Variants in ANO2 observed in about 807,000 individuals in gnomAD.
ANO2 encodes the protein anoctamin 2, also known as anoctamin-2.
A neutral mutation model predicts 124.2 loss-of-function variants in ANO2; 101 were observed. That is an observed-to-expected ratio of 0.81 (90% CI 0.69 to 0.96). The LOEUF (loss-of-function observed/expected upper bound fraction) is 0.96. Ranked by LOEUF, ANO2 falls within the 40% of genes least tolerant of loss-of-function variation. The probability of loss-of-function intolerance (pLI) is 0.00; values close to 1 mark genes in which losing one functional copy is unlikely to be tolerated. For missense variants in ANO2, 1,293 were observed against 1,274.5 expected, an observed-to-expected ratio of 1.01 and a Z score of -0.22; for synonymous variants, 486 against 482.5, an observed-to-expected ratio of 1.01 and a Z score of -0.09.
intron 7 of ANO2, among the ~76,000 whole-genome samples, chr12:5,808,411 T>C (rs1173901323): frequency 2.0e-5 from 3 of 152,192 alleles, no homozygotes; most frequent in African/African-American, 7.2e-5. Flanking sequence ...GTGTGTTCTG[T>C]CTGAGTCGGG....
At chr12:5,819,699 A>G (rs1054674512) in intron 7 of ANO2, among the ~76,000 whole-genome samples, 3 of 152,232 alleles carry the variant, frequency 2.0e-5, no homozygotes, top group Non-Finnish European at 4.4e-5. Context: ...ATGCCTTGTA[A>G]AACAGATTTG....
intron 10 of ANO2, among the ~76,000 whole-genome samples, chr12:5,753,926 G>A (rs1356174102): frequency 6.6e-6 from 1 of 152,128 alleles, no homozygotes; most frequent in African/African-American, 2.4e-5. Context: ...CGTTGAATGT[G>A]AGAGGTAAGA....
chr12:5,866,899 T>C (rs1955441227), intron 3 of ANO2, among the ~76,000 whole-genome samples: 1 of 152,246 alleles, frequency 6.6e-6, no homozygotes, highest in Non-Finnish European at 1.5e-5. Flanking sequence ...CCTTCCTCTT[T>C]TCCCAGTGGA....
At chr12:5,934,093 C>T (rs1398675092) in intron 1 of ANO2, among the ~76,000 whole-genome samples, 3 of 152,186 alleles carry the variant, frequency 2.0e-5, no homozygotes, top group African/African-American at 7.2e-5. Flanking sequence ...ACACTAATCG[C>T]TAACACTTTA....
At chr12:5,946,102 A>G, upstream of ANO2, 1 of 1,604,354 alleles carries the variant, frequency 6.2e-7, no homozygotes, top group African/African-American at 1.3e-5. This position sits in a 1 kb window ranked among gnomAD's most constrained non-coding sequence, Gnocchi z 4.1. Flanking sequence ...GACCCCCAAA[A>G]TGAAGAAGTA....
chr12:5,764,646 G>A (rs1244608164), intron 10 of ANO2, among the ~76,000 whole-genome samples: 4 of 152,184 alleles, frequency 2.6e-5, no homozygotes, highest in Admixed American at 2.0e-4. Flanking sequence ...GACTACATAT[G>A]GCTACCCATC....
chr12:5,854,397 G>GT (rs1591701350), intron 3 of ANO2, among the ~76,000 whole-genome samples: 1 of 9,396 alleles, frequency 1.1e-4, no homozygotes, highest in African/African-American at 3.2e-4. Context: ...TAGCTTCAGA[G>GT]CAAAAAAAAA....
At chr12:5,837,149 C>T (rs1954345851) in intron 4 of ANO2, among the ~76,000 whole-genome samples, 1 of 152,170 alleles carries the variant, frequency 6.6e-6, no homozygotes, top group Non-Finnish European at 1.5e-5. Context: ...CTCTGATAGG[C>T]CAAAAGCCTC....
At chr12:5,670,527 T>C (rs930504521) in intron 14 of ANO2, among the ~76,000 whole-genome samples, 1 of 152,216 alleles carries the variant, frequency 6.6e-6, no homozygotes, top group Non-Finnish European at 1.5e-5. Flanking sequence ...TCCACATGTA[T>C]TAATTTTTTA....
chr12:5,807,162 T>C, intron 8 of ANO2, 151 bp downstream of exon 8: 1 of 527,544 alleles, frequency 1.9e-6, no homozygotes, highest in Non-Finnish European at 3.1e-6. Flanking sequence ...TTGTCAGCAA[T>C]GAGTGGTCCA....
At chr12:5,628,969 C>T (rs891501528) in intron 16 of ANO2, among the ~76,000 whole-genome samples, 1 of 152,192 alleles carries the variant, frequency 6.6e-6, no homozygotes, top group African/African-American at 2.4e-5. Flanking sequence ...CCCCATCCCT[C>T]CTTTCACTCT....
rs1002563950 is a variant in ANO2 at position 5,787,717 on chromosome 12, A to C, written c.1055+11790T>G. Among the ~76,000 whole-genome samples the C allele has an allele frequency of 2.6e-5, 4 of 152,168 alleles. No individual in the cohort carries two copies. The highest frequency in any genetic ancestry group is 2.6e-4 in the Admixed American group (4 of 15,278). On this transcript the variant is annotated intron_variant, in intron 10 of 24. Transcript: ENST00000682330. The surrounding 1 kb of genome is among the most constrained non-coding windows in gnomAD (Gnocchi z 4.2). The stretch of plus-strand genomic sequence containing the variant: ...TTTGTTTTGACCCATCCAGCAAATC[A>C]TACTAGTTTAAATGTCGCTTCCTCA...
chr12:5,722,504 C>G lies in ANO2; in HGVS notation c.1545+10016G>C, dbSNP rs146509232. ...CCTGGGCGACAGAACGAGACTCTCTCAAAAAAATAAAAAATAAAAACTAAA... is the reference window on the plus strand; with the variant it reads ...CCTGGGCGACAGAACGAGACTCTCTGAAAAAAATAAAAAATAAAAACTAAA... On this transcript the variant is annotated intron_variant, in intron 14 of 24. Transcript: ENST00000682330. Among the ~76,000 whole-genome samples, 321 of 152,054 alleles carry G rather than the reference C, an allele frequency of 2.1e-3. 2 individuals are homozygous for G. The highest frequency in any genetic ancestry group is 6.7e-3 in the African/African-American group (280 of 41,488).
At chr12:5,622,269 G>A (rs1945153408) in intron 16 of ANO2, among the ~76,000 whole-genome samples, 1 of 152,154 alleles carries the variant, frequency 6.6e-6, no homozygotes, top group Non-Finnish European at 1.5e-5. Flanking sequence ...AGTCATTTCA[G>A]AGGCCTTTCC....
At position 5,563,133 on chromosome 12, in the gene ANO2, A is replaced by T; in HGVS notation, c.*166T>A. ...TGTAGCATCATTTCTCTTCCTTCCT[A>T]CACTCATTCTGTCAGGCTCTTTCTT... On this transcript the variant is annotated 3_prime_UTR_variant, in exon 25 of 25. Coordinates refer to ENST00000682330, the MANE Select transcript of ANO2 (RefSeq NM_001364791.2). The T allele has an allele frequency of 1.1e-6, 1 of 927,878 alleles. No homozygotes were observed. The highest frequency in any genetic ancestry group is 1.6e-6 in the Non-Finnish European group (1 of 637,930). The allele number at this position is 927,878 out of a possible 1,614,324, so 57.5% of individuals were successfully genotyped here.
At chr12:5,912,268 C>T (rs1014734364) in intron 3 of ANO2, among the ~76,000 whole-genome samples, 1 of 152,166 alleles carries the variant, frequency 6.6e-6, no homozygotes, top group Non-Finnish European at 1.5e-5. Context: ...TGGGTGAGTG[C>T]CACCTCCTGG....
At chr12:5,864,787 G>A (rs1364358257) in intron 3 of ANO2, among the ~76,000 whole-genome samples, 2 of 152,144 alleles carry the variant, frequency 1.3e-5, no homozygotes, top group Non-Finnish European at 2.9e-5. Flanking sequence ...TCCCAGGCTA[G>A]ACAAGCAAAT....
At chr12:5,704,622 G>A (rs769246140) in intron 14 of ANO2, among the ~76,000 whole-genome samples, 1 of 152,118 alleles carries the variant, frequency 6.6e-6, no homozygotes, top group African/African-American at 2.4e-5. Context: ...TTCCCTGAAG[G>A]CATTTGGACC....
At chr12:5,747,058 T>C (rs1951285961) in intron 11 of ANO2, among the ~76,000 whole-genome samples, 1 of 152,172 alleles carries the variant, frequency 6.6e-6, no homozygotes, top group Non-Finnish European at 1.5e-5. Flanking sequence ...CTCCACCTCA[T>C]CAATGTCAGT....
Sources: allele counts gnomAD v4.1 joint callset (sites outside exome capture counted in the v4.1 genomes callset), GRCh38; gene constraint gnomAD v4.1.1; non-coding constraint Gnocchi (gnomAD v3.1); transcripts MANE v1.5; gene names NCBI Gene and HGNC (gene_info 2026-07-23, HGNC 2026-07-21).